CADM2: variants seen among roughly 807,000 people sequenced by gnomAD.
CADM2 encodes cell adhesion molecule 2, also known as immunoglobulin superfamily member 4D.
CADM2 carries 12 observed loss-of-function variants against 49.8 expected under a neutral mutation model. The observed-to-expected ratio is 0.24, with a 90% CI of 0.15 to 0.39. The LOEUF is 0.39. CADM2 is among the 10% of genes least tolerant of loss of function. The pLI, the probability that CADM2 is intolerant of heterozygous loss-of-function variation, is 1.00. For missense variants in CADM2, 378 were observed against 492.3 expected, an observed-to-expected ratio of 0.77 and a Z score of 2.20; for synonymous variants, 214 against 175.4, an observed-to-expected ratio of 1.22 and a Z score of -1.74.
chr3:85,551,516 C>T (rs2061801806), intron 1 of CADM2, among the ~76,000 whole-genome samples: 1 of 152,074 alleles, frequency 6.6e-6, no homozygotes, highest in South Asian at 2.1e-4. Flanking sequence ...ATACATTTCT[C>T]TCATTTCTTT....
chr3:85,443,251 C>T (rs1312880669), intron 1 of CADM2, among the ~76,000 whole-genome samples: 1 of 152,066 alleles, frequency 6.6e-6, no homozygotes, highest in South Asian at 2.1e-4. Context: ...ACATGTGTCA[C>T]ACACCTCCTG....
chr3:85,172,443 A>G (rs1307455793), intron 1 of CADM2, among the ~76,000 whole-genome samples: 1 of 152,172 alleles, frequency 6.6e-6, no homozygotes, highest in Non-Finnish European at 1.5e-5. Context: ...AAAAATTATT[A>G]TTCTAATCAA....
chr3:84,989,900 TATAAA>T (rs2032786677), intron 1 of CADM2, among the ~76,000 whole-genome samples: 1 of 151,858 alleles, frequency 6.6e-6, no homozygotes, highest in Admixed American at 6.6e-5. Flanking sequence ...AAAGCAAAAA[TATAAA>T]ATAAAACTGC....
intron 1 of CADM2, chr3:84,960,037 A>G: frequency 2.9e-6 from 1 of 350,352 alleles, no homozygotes; most frequent in East Asian, 5.5e-5. Flanking sequence ...CACCTCCCAC[A>G]TCACGCTCTT....
At chr3:85,902,586 G>A (rs987427469) in intron 5 of CADM2, among the ~76,000 whole-genome samples, 4 of 151,280 alleles carry the variant, frequency 2.6e-5, no homozygotes, top group Non-Finnish European at 5.9e-5. Flanking sequence ...TTTCATCCAT[G>A]ATTTTACATT....
intron 2 of CADM2, among the ~76,000 whole-genome samples, chr3:85,746,128 T>TA (rs1453303738): frequency 1.3e-5 from 2 of 152,214 alleles, no homozygotes; most frequent in African/African-American, 4.8e-5. Flanking sequence ...AACTTCAATT[T>TA]AAAATTTCCC....
chr3:85,857,068 C>G (rs1408456396), intron 3 of CADM2, among the ~76,000 whole-genome samples: 2 of 152,146 alleles, frequency 1.3e-5, no homozygotes, highest in African/African-American at 4.8e-5. Flanking sequence ...TAGTGATGTT[C>G]TCTTTCAGGT....
intron 1 of CADM2, among the ~76,000 whole-genome samples, chr3:85,446,662 G>A (rs2037469899): frequency 1.3e-5 from 2 of 149,486 alleles, no homozygotes; most frequent in Admixed American, 1.3e-4. Context: ...GAGTACAAGG[G>A]TGCTATCTCA....
At chr3:86,061,449 G>T (rs992386897) in intron 8 of CADM2, among the ~76,000 whole-genome samples, 16 of 152,054 alleles carry the variant, frequency 1.1e-4, no homozygotes, top group Non-Finnish European at 2.2e-4. Context: ...AAATTCTGTG[G>T]GGGACAGCTG....
At chr3:85,117,235 AAG>A (rs1371819139) in intron 1 of CADM2, among the ~76,000 whole-genome samples, 1 of 125,640 alleles carries the variant, frequency 8.0e-6, no homozygotes, top group Non-Finnish European at 1.7e-5. Context: ...AAAGAAAAAA[AAG>A]AGAAAATTTT....
At chr3:85,700,573 T>G (rs561303342) in intron 1 of CADM2, among the ~76,000 whole-genome samples, 17 of 152,294 alleles carry the variant, frequency 1.1e-4, no homozygotes, top group African/African-American at 3.8e-4. Flanking sequence ...TCAGGACACA[T>G]CTTGAAAGCT....
intron 1 of CADM2, among the ~76,000 whole-genome samples, chr3:84,988,417 T>C (rs1191591541): frequency 6.6e-6 from 1 of 152,240 alleles, no homozygotes; most frequent in Non-Finnish European, 1.5e-5. Context: ...GTGTTTATAG[T>C]CTCATTGAGT....
chr3:85,162,998 A>G (rs2040373177), intron 1 of CADM2, among the ~76,000 whole-genome samples: 2 of 152,054 alleles, frequency 1.3e-5, no homozygotes, highest in Admixed American at 1.3e-4. Flanking sequence ...TCTACCTGAT[A>G]AACAAATGGA....
intron 8 of CADM2, among the ~76,000 whole-genome samples, chr3:86,021,436 C>G (rs1450932564): frequency 6.6e-6 from 1 of 152,124 alleles, no homozygotes; most frequent in Non-Finnish European, 1.5e-5. Flanking sequence ...GATAGAAATT[C>G]ATTAGTGTAG....
intron 1 of CADM2, among the ~76,000 whole-genome samples, chr3:85,533,681 G>A (rs1483669627): frequency 6.6e-6 from 1 of 152,136 alleles, no homozygotes; most frequent in Admixed American, 6.5e-5. Context: ...CAGAAACAGA[G>A]CGAATAGGGC....
intron 2 of CADM2, among the ~76,000 whole-genome samples, chr3:85,761,176 A>G (rs1181810317): frequency 6.6e-6 from 1 of 152,006 alleles, no homozygotes. Flanking sequence ...TGATTGGACT[A>G]TTTTGTGTCC....
intron 1 of CADM2, among the ~76,000 whole-genome samples, chr3:85,182,558 A>G (rs1352286431): frequency 1.3e-5 from 2 of 152,078 alleles, no homozygotes; most frequent in Non-Finnish European, 1.5e-5. Context: ...AGAAGAGACT[A>G]AGGAGATGAG....
intron 1 of CADM2, among the ~76,000 whole-genome samples, chr3:85,687,187 C>T (rs556687834): frequency 6.6e-6 from 1 of 152,258 alleles, no homozygotes; most frequent in East Asian, 1.9e-4. Flanking sequence ...ATTTTTTTAA[C>T]TGACAATTAC....
chr3:85,607,385 G>C (rs1464557112), intron 1 of CADM2, among the ~76,000 whole-genome samples: 3 of 152,080 alleles, frequency 2.0e-5, no homozygotes, highest in Non-Finnish European at 4.4e-5. Flanking sequence ...AACTAAGCAG[G>C]CATCACAGGG....
Sources: allele counts gnomAD v4.1 joint callset (sites outside exome capture counted in the v4.1 genomes callset), GRCh38; gene constraint gnomAD v4.1.1; transcripts MANE v1.5; gene names NCBI Gene and HGNC (gene_info 2026-07-23, HGNC 2026-07-21).